Variants in RPL26L1 observed in about 807,000 individuals in gnomAD.
The protein encoded by RPL26L1 is ribosomal protein L26 like 1.
Under a neutral mutation model 15.2 loss-of-function variants are expected in RPL26L1, and 8 were observed. That is an observed-to-expected ratio of 0.53 (90% CI 0.31 to 0.95). The LOEUF is 0.95. Ranked by LOEUF, RPL26L1 falls within the 40% of genes least tolerant of loss-of-function variation. RPL26L1 has a pLI of 0.05. For missense variants in RPL26L1, 146 were observed against 190.9 expected, an observed-to-expected ratio of 0.76 and a Z score of 1.39; for synonymous variants, 51 against 65.9, an observed-to-expected ratio of 0.77 and a Z score of 1.09.
rs11550784 is a variant in RPL26L1, at chr5:172,969,651, G to C, written c.*110G>C. ...CATTTCATTTCCTGTTTTGTTACCT[G>C]TGCCTCTGTAAATCTACTTTTGCAA... is the stretch of plus-strand genomic sequence containing the variant. On this transcript the variant is annotated 3_prime_UTR_variant, in exon 4 of 4. Transcript: ENST00000265100. 5 of 1,140,656 alleles carry C rather than the reference G, an allele frequency of 4.4e-6. No individual in the cohort carries two copies. The highest frequency in any genetic ancestry group is 6.1e-6 in the Non-Finnish European group (5 of 820,146). 70.7% of individuals were successfully genotyped at this position (1,140,656 alleles called of 1,614,324 possible).
upstream of RPL26L1, chr5:172,958,688 G>A (rs900846048): frequency 2.2e-4 from 54 of 241,400 alleles, 1 homozygote; most frequent in Admixed American, 9.5e-4. Context: ...CTAGCCAGTG[G>A]TTGGGTGGCG....
At chr5:172,961,093 A>G (rs1296972758) in intron 2 of RPL26L1, among the ~76,000 whole-genome samples, 2 of 152,134 alleles carry the variant, frequency 1.3e-5, no homozygotes, top group South Asian at 4.1e-4. Flanking sequence ...GTTAAGAGCT[A>G]TTGTCTTAGA....
upstream of RPL26L1, chr5:172,958,406 CCTCT>C (rs1284791485): frequency 4.4e-6 from 2 of 456,150 alleles, no homozygotes; most frequent in Non-Finnish European, 4.4e-6. Context: ...AGACATCTTC[CCTCT>C]CTGAGTTTCA....
At chr5:172,957,715 C>T (rs114522539), upstream of RPL26L1, 2,447 of 170,496 alleles carry the variant, frequency 0.014, 57 homozygotes, top group South Asian at 0.087. Flanking sequence ...AACCTCTGAC[C>T]TTTACTGTGT....
upstream of RPL26L1, chr5:172,957,817 C>G (rs1373169318): frequency 1.8e-5 from 3 of 165,644 alleles, no homozygotes; most frequent in African/African-American, 4.8e-5. Flanking sequence ...ATTCTTGGAG[C>G]CTGGGCACAC....
intron 3 of RPL26L1, among the ~76,000 whole-genome samples, chr5:172,969,105 C>T (rs1265334366): frequency 1.3e-5 from 2 of 151,804 alleles, no homozygotes; most frequent in African/African-American, 4.8e-5. Flanking sequence ...CATGGCCGGC[C>T]GATGGCTGTG....
At chr5:172,959,331 A>C, upstream of RPL26L1, 1 of 1,000,448 alleles carries the variant, frequency 1.0e-6, no homozygotes, top group Non-Finnish European at 1.2e-6. Context: ...AGGCACTGAG[A>C]TCCCACCCCA....
upstream of RPL26L1, among the ~76,000 whole-genome samples, chr5:172,954,153 T>G (rs567355873): frequency 3.3e-5 from 5 of 152,222 alleles, no homozygotes; most frequent in Non-Finnish European, 7.3e-5. Context: ...GTTAAACCAA[T>G]GAGCTACAAG....
upstream of RPL26L1, chr5:172,955,093 T>C (rs1173823520): frequency 2.2e-6 from 1 of 447,572 alleles, no homozygotes; most frequent in Admixed American, 2.4e-5. Context: ...AGAAATGGGG[T>C]GTGGCACTAG....
chr5:172,968,565 G>A lies in RPL26L1; in HGVS notation c.275G>A (p.Gly92Asp). 1 of 1,614,014 alleles carries A rather than the reference G, an allele frequency of 6.2e-7. No homozygotes were observed. The highest frequency in any genetic ancestry group is 8.5e-7 in the Non-Finnish European group (1 of 1,179,966). The change falls in exon 3 of 4, where the codon GGC becomes GAC. Residue 92 changes from glycine (G) to aspartate (D), a missense_variant. Gly to Asp is a moderately conservative substitution (Grantham distance 94). Coordinates refer to ENST00000265100, the MANE Select transcript of RPL26L1 (RefSeq NM_016093.4). ...CGGGTGCAGCGTGAGAAGGCCAACG[G>A]CACAACTGTCCACGTGGGCATTCAC... The part of the protein sequence containing the change: ...IERVQREKAN[G>D]TTVHVGIHPS...
intron 3 of RPL26L1, 115 bp downstream of exon 3, chr5:172,968,714 A>C (rs1755569090): frequency 1.0e-6 from 1 of 975,364 alleles, no homozygotes; most frequent in African/African-American, 1.7e-5. Context: ...GGTGGACTTG[A>C]TTGATTCAGT....
intron 2 of RPL26L1, among the ~76,000 whole-genome samples, chr5:172,960,660 A>G (rs1026143809): frequency 2.0e-5 from 3 of 152,120 alleles, no homozygotes; most frequent in African/African-American, 7.2e-5. Context: ...AGACTGGCCC[A>G]TGTGAGAACG....
At chr5:172,958,667 A>G (rs1436647526), upstream of RPL26L1, 1 of 271,262 alleles carries the variant, frequency 3.7e-6, no homozygotes, top group East Asian at 8.3e-5. Context: ...GGGTCCGCGC[A>G]AAGTGTCGGC....
upstream of RPL26L1, chr5:172,958,907 C>G (rs974843525): frequency 2.6e-5 from 4 of 155,082 alleles, no homozygotes; most frequent in African/African-American, 9.6e-5. Flanking sequence ...CCGCCGGCCG[C>G]CGTTTAGTCC....
At chr5:172,956,663 T>C (rs1441935173), upstream of RPL26L1, among the ~76,000 whole-genome samples, 1 of 151,896 alleles carries the variant, frequency 6.6e-6, no homozygotes, top group Non-Finnish European at 1.5e-5. Context: ...CCAGGCCGGG[T>C]GTGGTGGCTC....
chr5:172,961,178 T>C (rs1198364984), intron 2 of RPL26L1, among the ~76,000 whole-genome samples: 1 of 152,086 alleles, frequency 6.6e-6, no homozygotes, highest in Non-Finnish European at 1.5e-5. Flanking sequence ...TTTGGGGATA[T>C]GTTAAGGAGG....
At chr5:172,968,422 C>G in intron 2 of RPL26L1, 37 bp from the exon 3 acceptor site, 2 of 1,607,938 alleles carry the variant, frequency 1.2e-6, no homozygotes, top group Non-Finnish European at 1.7e-6. Context: ...TCATGCACTA[C>G]AAATGGAGGG....
chr5:172,966,166 C>G (rs1197143627), intron 2 of RPL26L1, among the ~76,000 whole-genome samples: 1 of 151,910 alleles, frequency 6.6e-6, no homozygotes, highest in Non-Finnish European at 1.5e-5. Context: ...TATTTTGAGA[C>G]AGGATCTCAC....
chr5:172,955,194 T>C (rs541209822), upstream of RPL26L1: 57 of 346,416 alleles, frequency 1.6e-4, no homozygotes, highest in Non-Finnish European at 2.3e-4. Context: ...AATGGCGCGA[T>C]ATCGGCTCAC....
Sources: allele counts gnomAD v4.1 joint callset (sites outside exome capture counted in the v4.1 genomes callset), GRCh38; gene constraint gnomAD v4.1.1; transcripts MANE v1.5; gene names NCBI Gene and HGNC (gene_info 2026-07-23, HGNC 2026-07-21).